ALK: variants seen among roughly 807,000 people sequenced by gnomAD.
The protein encoded by ALK is ALK tyrosine kinase receptor.
In ALK, 74 loss-of-function variants were observed where a neutral mutation model predicts 163.1. The observed-to-expected ratio is 0.45, with a 90% CI of 0.38 to 0.55. ALK has a LOEUF of 0.55. Ranked by LOEUF, ALK falls within the 20% of genes least tolerant of loss-of-function variation. ALK has a pLI of 0.00. For missense variants in ALK, 2,063 were observed against 2,105.3 expected (o/e 0.98, Z 0.39); for synonymous variants, 960 against 843.2 (o/e 1.14, Z -2.40).
At chr2:29,208,911 CTG>C (rs1454838025) in intron 25 of ALK, among the ~76,000 whole-genome samples, 4 of 148,600 alleles carry the variant, frequency 2.7e-5, no homozygotes, top group Admixed American at 6.6e-5. Flanking sequence ...GCTTTTAAAA[CTG>C]AAAAAAAAAA....
At chr2:29,577,101 C>T (rs1300615444) in intron 3 of ALK, among the ~76,000 whole-genome samples, 1 of 152,162 alleles carries the variant, frequency 6.6e-6, no homozygotes, top group African/African-American at 2.4e-5. Flanking sequence ...GAGACCGCTG[C>T]TCTGGAGAAC....
intron 1 of ALK, among the ~76,000 whole-genome samples, chr2:29,897,517 TG>T (rs990190311): frequency 1.3e-5 from 2 of 151,774 alleles, no homozygotes; most frequent in Admixed American, 6.6e-5. Flanking sequence ...GGTGGTGGGG[TG>T]GGGGCCCCAG....
chr2:29,234,080 G>C (rs1286097945), intron 13 of ALK, among the ~76,000 whole-genome samples: 1 of 152,078 alleles, frequency 6.6e-6, no homozygotes, highest in Non-Finnish European at 1.5e-5. Flanking sequence ...GAGCCCAGAG[G>C]GAAGTGGGTG....
In ALK at chr2:29,920,583, C is replaced by A. The variant is rs755942639; in HGVS notation, c.77G>T (p.Gly26Val). The change falls in exon 1 of 29, where the codon GGC (glycine) becomes GTC (valine). Residue 26 changes from glycine (G) to valine (V), a missense_variant. Physicochemically the swap from Gly to Val is moderately radical, Grantham distance 109. Around this residue, in one of 5 missense-constraint regions of ALK, gnomAD observed 987 missense variants for 939.5 expected, o/e 1.05. Coordinates refer to ENST00000389048, the MANE Select transcript of ALK (RefSeq NM_004304.5). ...TAAVGSGMGTGQRAGSPAAGP... is the reference protein window; with the variant it reads ...TAAVGSGMGTVQRAGSPAAGP... Reference sequence around the variant, plus strand: ...CGCAGCTGGGGAGCCCGCGCGCTGGCCGGTCCCCATCCCGGAGCCCACAGC... The same window carrying A: ...CGCAGCTGGGGAGCCCGCGCGCTGGACGGTCCCCATCCCGGAGCCCACAGC... The A allele has an allele frequency of 6.3e-7, 1 of 1,579,480 alleles. No individual in the cohort carries two copies. The highest frequency in any genetic ancestry group is 1.8e-5 in the Admixed American group (1 of 56,630).
At chr2:29,486,665 G>A (rs1476328441) in intron 4 of ALK, among the ~76,000 whole-genome samples, 1 of 152,114 alleles carries the variant, frequency 6.6e-6, no homozygotes, top group Non-Finnish European at 1.5e-5. Context: ...TATCCTACCA[G>A]TAAATTAAAA....
intron 5 of ALK, among the ~76,000 whole-genome samples, chr2:29,378,211 A>C (rs2148297619): frequency 6.6e-6 from 1 of 152,330 alleles, no homozygotes; most frequent in Non-Finnish European, 1.5e-5. Flanking sequence ...AAAGGGAAAT[A>C]CTGAATTGAT....
At chr2:29,752,852 G>C (rs1431659672) in intron 1 of ALK, among the ~76,000 whole-genome samples, 1 of 152,086 alleles carries the variant, frequency 6.6e-6, no homozygotes, top group Non-Finnish European at 1.5e-5. Flanking sequence ...AGGAGCGAAA[G>C]GACTCACCCA....
chr2:29,416,697 T>A (rs1669885990), intron 4 of ALK, among the ~76,000 whole-genome samples: 1 of 152,212 alleles, frequency 6.6e-6, no homozygotes, highest in African/African-American at 2.4e-5. Flanking sequence ...CTTTTGGCTC[T>A]GTAGACTCAC....
intron 4 of ALK, among the ~76,000 whole-genome samples, chr2:29,529,911 GC>G (rs1414544219): frequency 6.6e-6 from 1 of 152,168 alleles, no homozygotes; most frequent in Non-Finnish European, 1.5e-5. Flanking sequence ...TGGAGGCATT[GC>G]CTTGGGAAGA....
intron 11 of ALK, among the ~76,000 whole-genome samples, chr2:29,254,962 G>A (rs765724025): frequency 5.3e-5 from 8 of 152,184 alleles, no homozygotes; most frequent in Admixed American, 1.3e-4. Flanking sequence ...AGTGATTTCA[G>A]ACGGATGGGC....
At position 29,782,256 on chromosome 2, in the gene ALK, G is replaced by A. The variant is rs1572374564; in HGVS notation, c.668-64559C>T. 2.6e-5 allele frequency among the ~76,000 whole-genome samples: 4 copies of A among 152,286 alleles called. No homozygotes were observed. The South Asian group carries it at 6.2e-4, about 24-fold the overall frequency. Reference sequence around the variant, plus strand: ...ATTCTCTGGAGTCAGGGAGCCAGAGGTGGATCAGAGAGAGGTAGGGTGAAG... The same window carrying A: ...ATTCTCTGGAGTCAGGGAGCCAGAGATGGATCAGAGAGAGGTAGGGTGAAG... On this transcript the variant is annotated intron_variant, in intron 1 of 28. Coordinates refer to ENST00000389048, the MANE Select transcript of ALK (RefSeq NM_004304.5).
At chr2:29,592,593 T>G (rs1675093178) in intron 3 of ALK, among the ~76,000 whole-genome samples, 2 of 152,234 alleles carry the variant, frequency 1.3e-5, no homozygotes, top group African/African-American at 4.8e-5. Flanking sequence ...GGAGGTCAGA[T>G]AAGTTGAATA....
At chr2:29,338,380 C>T (rs1667688823) in intron 5 of ALK, among the ~76,000 whole-genome samples, 2 of 152,202 alleles carry the variant, frequency 1.3e-5, no homozygotes, top group Non-Finnish European at 2.9e-5. Context: ...TAAACCTTTG[C>T]TGGTTTCTGT....
chr2:29,432,032 G>A (rs917116547), intron 4 of ALK, among the ~76,000 whole-genome samples: 7 of 152,024 alleles, frequency 4.6e-5, no homozygotes, highest in African/African-American at 1.7e-4. Flanking sequence ...TAGCACAGAA[G>A]AAACTTTGAG....
At chr2:29,452,337 T>G (rs563911560) in intron 4 of ALK, among the ~76,000 whole-genome samples, 7 of 152,024 alleles carry the variant, frequency 4.6e-5, no homozygotes, top group Non-Finnish European at 7.4e-5. Context: ...TTTTTGTTTT[T>G]TTTTTTTTTT....
At chr2:29,771,777 G>A (rs565779271) in intron 1 of ALK, among the ~76,000 whole-genome samples, 16 of 151,666 alleles carry the variant, frequency 1.1e-4, no homozygotes, top group Admixed American at 5.9e-4. Context: ...CTCGTGATCC[G>A]CCCGCCTCGA....
chr2:29,228,091 A>G (rs182921078), intron 16 of ALK, among the ~76,000 whole-genome samples: 162 of 152,228 alleles, frequency 1.1e-3, no homozygotes, highest in African/African-American at 3.7e-3. Context: ...GATTGCGGGA[A>G]ATGAGCCCCT....
intron 1 of ALK, among the ~76,000 whole-genome samples, chr2:29,786,347 C>A (rs1664024107): frequency 6.6e-6 from 1 of 152,166 alleles, no homozygotes; most frequent in African/African-American, 2.4e-5. Context: ...AAAATGGAAA[C>A]CATCTTATTC....
chr2:29,212,850 C>T (rs1482953424), intron 24 of ALK, among the ~76,000 whole-genome samples: 2 of 152,154 alleles, frequency 1.3e-5, no homozygotes, highest in African/African-American at 2.4e-5. Context: ...GGATTATAGG[C>T]GTCCCCCACC....
Sources: allele counts gnomAD v4.1 joint callset (sites outside exome capture counted in the v4.1 genomes callset), GRCh38; gene constraint gnomAD v4.1.1; regional missense constraint gnomAD v4.1.1; transcripts MANE v1.5; gene names NCBI Gene and HGNC (gene_info 2026-07-23, HGNC 2026-07-21).